The following NAALAD2 variants were observed in gnomAD, a reference collection of about 807,000 sequenced individuals.
The protein encoded by NAALAD2 is N-acetylated alpha-linked acidic dipeptidase 2.
NAALAD2 carries 89 observed loss-of-function variants against 95.6 expected under a neutral mutation model. The observed-to-expected ratio is 0.93, with a 90% confidence interval of 0.78 to 1.11. NAALAD2 has a LOEUF of 1.11. Among genes scored for constraint, NAALAD2 ranks in the 50% least tolerant of loss-of-function variants. NAALAD2 has a pLI of 0.00. For synonymous variants in NAALAD2, 264 were observed against 294.4 expected, an observed-to-expected ratio of 0.90 and a Z score of 1.06; for missense variants, 894 against 872.4, an observed-to-expected ratio of 1.02 and a Z score of -0.31.
chr11:90,136,416 T>C (rs1951455125), intron 2 of NAALAD2, among the ~76,000 whole-genome samples: 1 of 152,174 alleles, frequency 6.6e-6, no homozygotes, highest in African/African-American at 2.4e-5. Flanking sequence ...AATATTCCAT[T>C]ATGCCCTTTG....
chr11:90,148,997 T>A lies in NAALAD2; in HGVS notation c.382-9T>A. ...TTTTTCTAACTTGACATATTTTAAT[T>A]CTTGCTAGATTTTCAAAACATCATA... On this transcript the variant is annotated splice_polypyrimidine_tract_variant and intron_variant, in intron 3 of 18. Coordinates refer to ENST00000534061, the MANE Select transcript of NAALAD2 (RefSeq NM_005467.4). 6.5e-7 allele frequency: 1 copy of A among 1,534,794 alleles called. No homozygotes were observed. The highest frequency in any genetic ancestry group is 8.9e-7 in the Non-Finnish European group (1 of 1,123,552).
chr11:90,165,166 CT>C (rs1488831542), intron 11 of NAALAD2, among the ~76,000 whole-genome samples: 2 of 152,194 alleles, frequency 1.3e-5, no homozygotes, highest in Non-Finnish European at 2.9e-5. Context: ...TTTTTTACGA[CT>C]GTGTAGTATT....
intron 11 of NAALAD2, chr11:90,164,048 A>G (rs1952371093): frequency 8.4e-6 from 2 of 238,526 alleles, no homozygotes; most frequent in Non-Finnish European, 1.6e-5. Flanking sequence ...ATGGCCATAT[A>G]TTGACTATAT....
chr11:90,135,010 T>C, intron 1 of NAALAD2, 170 bp downstream of exon 1: 1 of 642,230 alleles, frequency 1.6e-6, no homozygotes, highest in Non-Finnish European at 2.7e-6. Flanking sequence ...AGATGGAATG[T>C]ATTTTGGGCT....
intron 5 of NAALAD2, 128 bp from the exon 6 acceptor site, chr11:90,152,170 T>C (rs775634747): frequency 6.3e-6 from 5 of 792,604 alleles, no homozygotes; most frequent in Non-Finnish European, 9.2e-6. Flanking sequence ...CCAAGAGAAC[T>C]GAATGTGTAA....
intron 8 of NAALAD2, among the ~76,000 whole-genome samples, chr11:90,162,086 A>T (rs577014344): frequency 5.9e-5 from 9 of 152,140 alleles, no homozygotes; most frequent in African/African-American, 1.9e-4. Context: ...TCATTCTTCC[A>T]TTAAAAAACG....
upstream of NAALAD2, chr11:90,134,408 G>A: frequency 4.0e-6 from 1 of 247,356 alleles, no homozygotes. Flanking sequence ...AGCCGAAACT[G>A]GGCATTTTGG....
chr11:90,191,772 A>T lies in NAALAD2; in HGVS notation c.*25A>T. On this transcript the variant is annotated 3_prime_UTR_variant, in exon 19 of 19. Coordinates refer to ENST00000534061, the MANE Select transcript of NAALAD2 (RefSeq NM_005467.4). The stretch of plus-strand genomic sequence containing the variant: ...GAAGGTCTCAAGTGGCTAGCCATTA[A>T]AGGTGTTGCTAAAAGTCTGAGGATA... 1 of 1,464,952 alleles carries T rather than the reference A, an allele frequency of 6.8e-7. No individual in the cohort carries two copies. The highest frequency in any genetic ancestry group is 1.6e-5 in the South Asian group (1 of 62,640). 90.7% of individuals were successfully genotyped at this position (1,464,952 alleles called of 1,614,324 possible).
intron 11 of NAALAD2, among the ~76,000 whole-genome samples, chr11:90,164,544 C>G (rs1819375578): frequency 6.6e-6 from 1 of 152,112 alleles, no homozygotes; most frequent in South Asian, 2.1e-4. Flanking sequence ...GCTCAATAAA[C>G]ACACAATTTG....
chr11:90,172,677 G>A (rs1317078948), intron 13 of NAALAD2, among the ~76,000 whole-genome samples: 1 of 152,060 alleles, frequency 6.6e-6, no homozygotes, highest in African/African-American at 2.4e-5. Context: ...TTTGTTTGGT[G>A]TGTGTATCCC....
At chr11:90,147,542 A>G (rs756395031) in intron 3 of NAALAD2, 26 bp downstream of exon 3, 3 of 1,574,624 alleles carry the variant, frequency 1.9e-6, no homozygotes, top group Non-Finnish European at 2.6e-6. Context: ...GGTACTTTTT[A>G]TATTTTGCAA....
intron 8 of NAALAD2, among the ~76,000 whole-genome samples, chr11:90,160,016 G>A (rs1952249994): frequency 6.6e-6 from 1 of 150,848 alleles, no homozygotes; most frequent in Admixed American, 6.6e-5. Context: ...GAAGAGAGAA[G>A]GGGGCCAAAA....
At chr11:90,134,911 T>A in intron 1 of NAALAD2, 71 bp downstream of exon 1, 2 of 1,559,012 alleles carry the variant, frequency 1.3e-6, no homozygotes, top group Non-Finnish European at 1.8e-6. Flanking sequence ...GGAGAAATCC[T>A]GGAGCTGGAA....
chr11:90,155,826 A>G (rs907753896), intron 6 of NAALAD2, among the ~76,000 whole-genome samples: 2 of 113,676 alleles, frequency 1.8e-5, no homozygotes, highest in Non-Finnish European at 3.3e-5. Flanking sequence ...ATATATATGT[A>G]ATATATGTAA....
rs1951433736 is a variant in NAALAD2, at chr11:90,135,554, CT to C, written c.83-3del. On this transcript the variant is annotated splice_region_variant and splice_polypyrimidine_tract_variant and intron_variant, in intron 1 of 18. Transcript: ENST00000534061. ...TGTGCATGTTTGTGTATTTTTTTTC[CT>C]TAGGCTGGTTTATTAAGCCTCTCAA... 10 of 1,599,516 alleles carry C rather than the reference CT, an allele frequency of 6.3e-6. No individual in the cohort carries two copies. The highest frequency in any genetic ancestry group is 8.5e-6 in the Non-Finnish European group (10 of 1,171,810).
chr11:90,148,237 C>G (rs1231402721), intron 3 of NAALAD2, among the ~76,000 whole-genome samples: 1 of 151,958 alleles, frequency 6.6e-6, no homozygotes, highest in East Asian at 1.9e-4. Context: ...GACAATAGTC[C>G]AGGTAAAAGA....
intron 8 of NAALAD2, among the ~76,000 whole-genome samples, chr11:90,161,636 G>GAAAGACGTAGGTTT (rs1952302707): frequency 6.6e-6 from 1 of 152,100 alleles, no homozygotes; most frequent in Non-Finnish European, 1.5e-5. Context: ...CTAAAAACGA[G>GAAAGACGTAGGTTT]AAAGACGTAG....
intron 2 of NAALAD2, among the ~76,000 whole-genome samples, chr11:90,142,567 G>C (rs1399443437): frequency 6.6e-6 from 1 of 152,070 alleles, no homozygotes; most frequent in Non-Finnish European, 1.5e-5. Flanking sequence ...TCTATAGAGA[G>C]AACACAGTTG....
chr11:90,139,579 G>A (rs562765846), intron 2 of NAALAD2, among the ~76,000 whole-genome samples: 25 of 152,120 alleles, frequency 1.6e-4, no homozygotes, highest in African/African-American at 4.8e-4. Context: ...CTCTTATCTC[G>A]ACACTTTAAG....
Sources: gnomAD v4.1 joint callset for allele counts (sites outside exome capture counted in the v4.1 genomes callset) on GRCh38, gnomAD v4.1.1 for gene constraint, MANE v1.5 for transcripts, NCBI Gene and HGNC (gene_info 2026-07-23, HGNC 2026-07-21) for gene names.